Variants in PHACTR3 observed in about 807,000 individuals in gnomAD.
PHACTR3 encodes the protein phosphatase and actin regulator 3.
PHACTR3 carries 16 observed loss-of-function variants against 66.8 expected under a neutral mutation model. The observed-to-expected ratio is 0.24, with a 90% CI of 0.16 to 0.36. The LOEUF (loss-of-function observed/expected upper bound fraction) is 0.36. Among genes scored for constraint, PHACTR3 ranks in the 10% least tolerant of loss-of-function variants. The pLI is 1.00. For synonymous variants in PHACTR3, 323 were observed against 292.1 expected (o/e 1.11, Z -1.08); for missense variants, 647 against 719.9 (o/e 0.90, Z 1.16).
At chr20:59,843,527 T>A (rs2059100809) in intron 11 of PHACTR3, 1 of 151,868 alleles carries the variant, frequency 6.6e-6, no homozygotes, top group African/African-American at 2.4e-5. Flanking sequence ...CCAGAAAAAA[T>A]TCACTTATTT....
chr20:59,644,569 G>A (rs2035218821), intron 1 of PHACTR3, among the ~76,000 whole-genome samples: 1 of 152,202 alleles, frequency 6.6e-6, no homozygotes, highest in Admixed American at 6.5e-5. Flanking sequence ...GCAGCCTGTA[G>A]CAAGTATGTG....
At chr20:59,836,379 C>G in intron 8 of PHACTR3, 126 bp from the exon 9 acceptor site, 1 of 770,458 alleles carries the variant, frequency 1.3e-6, no homozygotes, top group Non-Finnish European at 2.0e-6. Flanking sequence ...GGTTCACTTT[C>G]TCTCCTTCCA....
At chr20:59,726,181 C>T (rs1442087968) in intron 1 of PHACTR3, among the ~76,000 whole-genome samples, 6 of 152,202 alleles carry the variant, frequency 3.9e-5, no homozygotes, top group Non-Finnish European at 8.8e-5. Context: ...TTTAAGTTTG[C>T]ATATTGCATG....
At chr20:59,714,915 A>G (rs986869724) in intron 1 of PHACTR3, among the ~76,000 whole-genome samples, 11 of 152,146 alleles carry the variant, frequency 7.2e-5, no homozygotes, top group African/African-American at 2.7e-4. Context: ...ATTCTGGAGT[A>G]TTTTATGCTG....
intron 4 of PHACTR3, among the ~76,000 whole-genome samples, chr20:59,763,108 A>C (rs1044026574): frequency 6.6e-6 from 1 of 152,062 alleles, no homozygotes; most frequent in Middle Eastern, 3.2e-3. Flanking sequence ...GGTGGAGGCA[A>C]TTGAATCACA....
At chr20:59,690,553 G>A (rs1258246048) in intron 1 of PHACTR3, among the ~76,000 whole-genome samples, 3 of 152,234 alleles carry the variant, frequency 2.0e-5, no homozygotes, top group Non-Finnish European at 4.4e-5. Flanking sequence ...GGTGTGTGCA[G>A]AGTGGAAGGA....
chr20:59,604,265 A>G (rs983753686), upstream of PHACTR3, among the ~76,000 whole-genome samples: 6 of 152,088 alleles, frequency 3.9e-5, no homozygotes, highest in Non-Finnish European at 7.4e-5. Context: ...CTGCTGGGGA[A>G]ATTAGGGGCT....
chr20:59,695,307 G>A (rs976008065), intron 1 of PHACTR3, among the ~76,000 whole-genome samples: 2 of 152,140 alleles, frequency 1.3e-5, no homozygotes, highest in Admixed American at 6.5e-5. Flanking sequence ...ATTTCCCCTT[G>A]CTGTTCTCAT....
chr20:59,789,542 A>G (rs6027111), intron 7 of PHACTR3, among the ~76,000 whole-genome samples: 4,693 of 152,332 alleles, frequency 0.031, 224 homozygotes, highest in African/African-American at 0.11. Flanking sequence ...CTTTGTTCAA[A>G]ACCAAAATGG....
chr20:59,761,737 C>T (rs1215876122), intron 4 of PHACTR3, among the ~76,000 whole-genome samples: 2 of 152,196 alleles, frequency 1.3e-5, no homozygotes, highest in Admixed American at 6.5e-5. Flanking sequence ...GGAACATGCT[C>T]AGCAAAGAGG....
At chr20:59,696,777 A>T (rs1174153064) in intron 1 of PHACTR3, among the ~76,000 whole-genome samples, 1 of 151,986 alleles carries the variant, frequency 6.6e-6, no homozygotes, top group Non-Finnish European at 1.5e-5. Flanking sequence ...AGGCTGATGG[A>T]CCCTGGGTGG....
In PHACTR3 at chr20:59,588,305, G is replaced by T. The variant is rs528130068; in HGVS notation, c.109+10688G>T. On this transcript the variant is annotated intron_variant, in intron 1 of 12. Transcript: ENST00000359926. ...TGATAAAAAGACCCGGTTGAATATA[G>T]TTAAAACAAATCTGGGATCCGCCCC... is the stretch of plus-strand genomic sequence containing the variant. Among the ~76,000 whole-genome samples the T allele has an allele frequency of 1.4e-4, 21 of 152,294 alleles. No homozygotes were observed. In the East Asian group the frequency reaches 4.1e-3, roughly 29 times the overall value.
chr20:59,583,920 G>A (rs1177276745), intron 1 of PHACTR3, among the ~76,000 whole-genome samples: 1 of 152,234 alleles, frequency 6.6e-6, no homozygotes, highest in Non-Finnish European at 1.5e-5. Context: ...CACCAGGGAC[G>A]GTTCACGCGT....
chr20:59,841,082 AATTGTATCTG>A (rs2059051104), intron 10 of PHACTR3, among the ~76,000 whole-genome samples: 1 of 152,184 alleles, frequency 6.6e-6, no homozygotes, highest in Non-Finnish European at 1.5e-5. Flanking sequence ...AAGCTTATCT[AATTGTATCTG>A]AAGCCAGTGA....
rs149447346 is a variant in PHACTR3, at chr20:59,758,551, T to C, written c.541+3187T>C. On this transcript the variant is annotated intron_variant, in intron 4 of 12. Transcript: ENST00000371015. ...TAGCAGTTAGTGACATTTGTCATCATGCTGGGGATAACAAGAGGTGACACA... is the reference window on the plus strand; with the variant it reads ...TAGCAGTTAGTGACATTTGTCATCACGCTGGGGATAACAAGAGGTGACACA... 1.6e-3 allele frequency among the ~76,000 whole-genome samples: 238 copies of C among 152,340 alleles called. 1 individual carries two copies. Among genetic ancestry groups the C allele is most frequent in the African/African-American group, 5.6e-3 (234 of 41,588 alleles).
chr20:59,827,354 G>C (rs1040633400), intron 8 of PHACTR3, among the ~76,000 whole-genome samples: 4 of 152,126 alleles, frequency 2.6e-5, no homozygotes, highest in African/African-American at 9.7e-5. Context: ...GAGGGTGAAG[G>C]ACTCATCTCA....
chr20:59,831,975 A>G (rs1393761439), intron 8 of PHACTR3, among the ~76,000 whole-genome samples: 1 of 152,146 alleles, frequency 6.6e-6, no homozygotes, highest in Non-Finnish European at 1.5e-5. Context: ...ACTGTGTGTC[A>G]GGGCAGGGGT....
At chr20:59,799,341 A>G (rs773127788) in intron 7 of PHACTR3, among the ~76,000 whole-genome samples, 7 of 152,146 alleles carry the variant, frequency 4.6e-5, no homozygotes, top group African/African-American at 1.7e-4. Context: ...CAAGTTTTCT[A>G]TTTATTCTAT....
intron 5 of PHACTR3, among the ~76,000 whole-genome samples, chr20:59,771,079 G>A (rs745871824): frequency 5.9e-5 from 9 of 152,206 alleles, no homozygotes; most frequent in African/African-American, 9.6e-5. Flanking sequence ...TATGGGGGCC[G>A]TGGGGGCAGT....
Sources: gnomAD v4.1 joint callset for allele counts (sites outside exome capture counted in the v4.1 genomes callset) on GRCh38, gnomAD v4.1.1 for gene constraint, MANE v1.5 for transcripts, NCBI Gene and HGNC (gene_info 2026-07-23, HGNC 2026-07-21) for gene names.